Variants in MEP1A observed in about 807,000 individuals in gnomAD.
MEP1A encodes the protein meprin A subunit alpha, also known as N-benzoyl-L-tyrosyl-P-amino-benzoic acid hydrolase subunit alpha.
MEP1A carries 68 observed loss-of-function variants against 84.5 expected under a neutral mutation model. That is an observed-to-expected ratio of 0.80 (90% CI 0.66 to 0.98). The LOEUF is 0.98. MEP1A is among the 50% of genes least tolerant of loss of function. MEP1A has a pLI of 0.00. For synonymous variants in MEP1A, 337 were observed against 336.8 expected, an observed-to-expected ratio of 1.00 and a Z score of -0.01; for missense variants, 887 against 919.9, an observed-to-expected ratio of 0.96 and a Z score of 0.46.
intron 5 of MEP1A, among the ~76,000 whole-genome samples, chr6:46,807,565 A>AAAGAAAGAAAGGAAGG (rs1562106650): frequency 5.6e-5 from 4 of 71,832 alleles, no homozygotes; most frequent in Admixed American, 1.6e-4. Context: ...AGAAAGAAAG[A>AAAGAAAGAAAGGAAGG]AAGGAAGGAA....
downstream of MEP1A, among the ~76,000 whole-genome samples, chr6:46,841,801 G>T (rs536522049): frequency 2.0e-5 from 3 of 152,278 alleles, no homozygotes; most frequent in East Asian, 5.8e-4. Flanking sequence ...AAGTGGATGG[G>T]AACTCTAACC....
At chr6:46,795,395 G>A (rs1005563480) in intron 3 of MEP1A, among the ~76,000 whole-genome samples, 1 of 152,008 alleles carries the variant, frequency 6.6e-6, no homozygotes, top group African/African-American at 2.4e-5. Context: ...CCGCCTCCTG[G>A]GTTCAAGCGA....
intron 6 of MEP1A, among the ~76,000 whole-genome samples, chr6:46,811,412 A>G (rs1200894029): frequency 6.6e-6 from 1 of 151,968 alleles, no homozygotes. Flanking sequence ...TCATATCATC[A>G]GCAAACAGTG....
downstream of MEP1A, among the ~76,000 whole-genome samples, chr6:46,842,302 G>A (rs371185935): frequency 5.3e-4 from 80 of 152,244 alleles, no homozygotes; most frequent in East Asian, 0.012. Flanking sequence ...CTGTGGGGTC[G>A]GGCAGAATAG....
At chr6:46,808,893 C>T (rs1281141698) in intron 5 of MEP1A, among the ~76,000 whole-genome samples, 1 of 152,018 alleles carries the variant, frequency 6.6e-6, no homozygotes, top group African/African-American at 2.4e-5. Flanking sequence ...CTTTCAGAAC[C>T]CACAAACCTC....
At chr6:46,826,547 G>A in intron 9 of MEP1A, 44 bp downstream of exon 9, 1 of 1,387,334 alleles carries the variant, frequency 7.2e-7, no homozygotes, top group Non-Finnish European at 9.5e-7. Flanking sequence ...GGTTCACCAG[G>A]TTCAATTAGG....
intron 3 of MEP1A, among the ~76,000 whole-genome samples, chr6:46,795,994 C>T (rs984402271): frequency 3.3e-5 from 5 of 152,144 alleles, no homozygotes; most frequent in African/African-American, 9.7e-5. Flanking sequence ...TTTCTATGCA[C>T]ATCAGAGTGT....
chr6:46,798,562 T>G (rs1389523966), intron 3 of MEP1A, 44 bp from the exon 4 acceptor site: 4 of 1,487,830 alleles, frequency 2.7e-6, no homozygotes, highest in Non-Finnish European at 2.8e-6. Context: ...CTTTTAATAA[T>G]GTTCACTCAA....
chr6:46,840,552 C>CT (rs2150760595), downstream of MEP1A, among the ~76,000 whole-genome samples: 3 of 152,336 alleles, frequency 2.0e-5, 1 homozygote, highest in East Asian at 5.8e-4. Flanking sequence ...GAAAACAGGT[C>CT]TGGAAGCCAA....
Position 46,793,423 on chromosome 6 carries a change from A to G in MEP1A, c.25A>G (p.Ile9Val). The change falls in exon 1 of 14, where the codon ATT becomes GTT. Residue 9 changes from isoleucine to valine, a missense_variant. By Grantham distance (29) the Ile-to-Val change is conservative (BLOSUM62 3). Transcript: ENST00000230588. ...AATGGCTTGGATTAGATCCACTTGC[A>G]TTCTCTTTTTTACCTTGCTTTTTGC... MAWIRSTC[I>V]LFFTLLFAHI... is the part of the protein sequence containing the mutation. 6.3e-7 allele frequency: 1 copy of G among 1,597,376 alleles called. No individual in the cohort carries two copies. Among genetic ancestry groups the G allele is most frequent in the Non-Finnish European group, 8.5e-7 (1 of 1,175,696 alleles).
chr6:46,812,608 T>C (rs7764585), intron 6 of MEP1A, among the ~76,000 whole-genome samples: 5,987 of 152,126 alleles, frequency 0.039, 416 homozygotes, highest in African/African-American at 0.14. Flanking sequence ...TTTAATTCTA[T>C]GAACTTTCCT....
At chr6:46,841,776 G>A (rs1320624068), downstream of MEP1A, among the ~76,000 whole-genome samples, 6 of 152,160 alleles carry the variant, frequency 3.9e-5, no homozygotes, top group Non-Finnish European at 7.3e-5. Flanking sequence ...AATATCTGGA[G>A]CCTCTGATAA....
chr6:46,831,949 T>C (rs1177942134), intron 10 of MEP1A, among the ~76,000 whole-genome samples: 2 of 152,162 alleles, frequency 1.3e-5, no homozygotes. Context: ...TGTGTTCCCA[T>C]GTAACCTAAC....
At chr6:46,797,912 TTCCTTCCTTCCTTCCTTCTTTCCTTCC>T (rs879923071) in intron 3 of MEP1A, among the ~76,000 whole-genome samples, 4,090 of 47,574 alleles carry the variant, frequency 0.086, 162 homozygotes, top group Admixed American at 0.19. Context: ...CCTTCCTTCC[TTCCTTCCTTCCTTCCTTCTTTCCTTCC>T]TTCCTTCCTT....
At chr6:46,826,231 G>A in intron 8 of MEP1A, 123 bp from the exon 9 acceptor site, 3 of 863,738 alleles carry the variant, frequency 3.5e-6, no homozygotes, top group Non-Finnish European at 5.0e-6. Context: ...TTGAGAAAAA[G>A]TCAAGATAAC....
In MEP1A at chr6:46,814,913, G is replaced by C. The variant is rs142984057; in HGVS notation, c.381-4616G>C. The stretch of plus-strand genomic sequence containing the variant: ...ATGTGATTTGTCTTCAGGTCTTGCA[G>C]CTATGGACACCAGCACCTGCTCCAG... On this transcript the variant is annotated intron_variant, in intron 6 of 13. Transcript: ENST00000230588. Among the ~76,000 whole-genome samples, 19 of 152,320 alleles carry C rather than the reference G, an allele frequency of 1.2e-4. No homozygotes were observed. In the East Asian group the frequency reaches 3.7e-3, roughly 29 times the overall value.
chr6:46,831,136 G>A (rs749096001), intron 10 of MEP1A, among the ~76,000 whole-genome samples: 43 of 152,244 alleles, frequency 2.8e-4, no homozygotes, highest in Non-Finnish European at 2.2e-4. Flanking sequence ...TTTTTAAGTA[G>A]TCTGTTCTGA....
chr6:46,817,638 C>T (rs1384366127), intron 6 of MEP1A, among the ~76,000 whole-genome samples: 2 of 152,122 alleles, frequency 1.3e-5, no homozygotes, highest in African/African-American at 4.8e-5. Context: ...TCTTTTTTCA[C>T]AAAGAAACTC....
chr6:46,821,752 T>A (rs1308332135), intron 7 of MEP1A, among the ~76,000 whole-genome samples: 1 of 152,176 alleles, frequency 6.6e-6, no homozygotes, highest in Non-Finnish European at 1.5e-5. Flanking sequence ...CAGGGTCAAG[T>A]GCAGACTTGC....
Sources: gnomAD v4.1 joint callset for allele counts (sites outside exome capture counted in the v4.1 genomes callset) on GRCh38, gnomAD v4.1.1 for gene constraint, MANE v1.5 for transcripts, NCBI Gene and HGNC (gene_info 2026-07-23, HGNC 2026-07-21) for gene names.